The following KCNH1 variants were observed in gnomAD, a reference collection of about 807,000 sequenced individuals.
KCNH1 encodes potassium voltage-gated channel subfamily H member 1, also known as voltage-gated delayed rectifier potassium channel KCNH1.
A neutral mutation model predicts 69.2 loss-of-function variants in KCNH1; 27 were observed. The ratio of observed to expected loss-of-function variants is 0.39; its 90% confidence interval spans 0.29 to 0.54. The LOEUF is 0.54. Among genes scored for constraint, KCNH1 ranks in the 20% least tolerant of loss-of-function variants. KCNH1 has a pLI of 0.68. For synonymous variants in KCNH1, 456 were observed against 487.7 expected (o/e 0.93, Z 0.86); for missense variants, 798 against 1,261.6 (o/e 0.63, Z 5.57).
chr1:210,822,326 T>C (rs1684945543), intron 7 of KCNH1, among the ~76,000 whole-genome samples: 1 of 151,782 alleles, frequency 6.6e-6, no homozygotes, highest in South Asian at 2.1e-4. Context: ...TAGTGAGAGA[T>C]GAGGATGGAG....
At chr1:211,023,115 A>AAAAT (rs562804540) in intron 5 of KCNH1, among the ~76,000 whole-genome samples, 6,610 of 98,492 alleles carry the variant, frequency 0.067, 212 homozygotes, top group Non-Finnish European at 0.095. Context: ...TGTCTCAGAA[A>AAAAT]AAATAAATAA....
intron 9 of KCNH1, among the ~76,000 whole-genome samples, chr1:210,777,140 G>T (rs1321633939): frequency 6.6e-6 from 1 of 152,128 alleles, no homozygotes; most frequent in Non-Finnish European, 1.5e-5. Flanking sequence ...TGTTTAATAG[G>T]CCAGCTGTTT....
rs1205590840 is a variant in KCNH1, at chr1:210,844,105, T to C, written c.1463-39939A>G. Among the ~76,000 whole-genome samples, 3 of 152,198 alleles carry C rather than the reference T, an allele frequency of 2.0e-5. No individual in the cohort carries two copies. The East Asian group carries it at 5.8e-4, about 29-fold the overall frequency. The stretch of plus-strand genomic sequence containing the variant: ...GCAAGCCAAGTTACAATTCCTTTTT[T>C]GGTTTAGCTGAATTTTTGGTAAAAA... On this transcript the variant is annotated intron_variant, in intron 7 of 10. Transcript: ENST00000271751.
At chr1:210,956,536 GTTTTT>G (rs770358496) in intron 6 of KCNH1, among the ~76,000 whole-genome samples, 1 of 122,308 alleles carries the variant, frequency 8.2e-6, no homozygotes. Flanking sequence ...TGGTCCTGGA[GTTTTT>G]TTTTTTTTTT....
intron 7 of KCNH1, among the ~76,000 whole-genome samples, chr1:210,912,738 G>A (rs1208592759): frequency 6.6e-6 from 1 of 152,178 alleles, no homozygotes; most frequent in Non-Finnish European, 1.5e-5. Flanking sequence ...ACCTGCCAAA[G>A]GTCAAAGCAT....
intron 10 of KCNH1, among the ~76,000 whole-genome samples, chr1:210,700,241 A>C (rs2149010425): frequency 6.6e-6 from 1 of 152,352 alleles, no homozygotes; most frequent in Non-Finnish European, 1.5e-5. Context: ...TTATGGAAGC[A>C]CTGAGCAGGG....
chr1:210,844,583 T>C (rs1395528074), intron 7 of KCNH1, among the ~76,000 whole-genome samples: 1 of 152,178 alleles, frequency 6.6e-6, no homozygotes, highest in Admixed American at 6.5e-5. Context: ...AAGCAGTGTG[T>C]AGAGGGAAAT....
At chr1:210,686,935 C>G (rs1300722773) in intron 10 of KCNH1, among the ~76,000 whole-genome samples, 1 of 152,106 alleles carries the variant, frequency 6.6e-6, no homozygotes, top group Non-Finnish European at 1.5e-5. Context: ...TGCCTGGTAC[C>G]TAGCAGGCCC....
chr1:211,096,877 CT>C (rs1247033656), intron 3 of KCNH1, among the ~76,000 whole-genome samples: 1 of 152,182 alleles, frequency 6.6e-6, no homozygotes, highest in Non-Finnish European at 1.5e-5. Context: ...TTAAGAGTCA[CT>C]GGCACAGGCC....
At chr1:210,902,209 C>T (rs1334353308) in intron 7 of KCNH1, among the ~76,000 whole-genome samples, 1 of 152,220 alleles carries the variant, frequency 6.6e-6, no homozygotes, top group Non-Finnish European at 1.5e-5. Context: ...GCAGACAAAA[C>T]CAACATGTGC....
At chr1:210,798,063 A>G (rs556902358) in intron 8 of KCNH1, among the ~76,000 whole-genome samples, 12 of 143,908 alleles carry the variant, frequency 8.3e-5, no homozygotes, top group Non-Finnish European at 1.5e-4. Flanking sequence ...TTTTTAAGAC[A>G]GAGTCTTGCT....
At chr1:210,964,776 A>C (rs1380950878) in intron 6 of KCNH1, among the ~76,000 whole-genome samples, 2 of 152,212 alleles carry the variant, frequency 1.3e-5, no homozygotes, top group African/African-American at 4.8e-5. Flanking sequence ...CCTGATATCA[A>C]AACCTGGCAG....
chr1:210,788,412 C>T (rs1312857774), intron 9 of KCNH1, among the ~76,000 whole-genome samples: 3 of 152,156 alleles, frequency 2.0e-5, no homozygotes, highest in Non-Finnish European at 4.4e-5. Flanking sequence ...TAACAACTGC[C>T]TTAATTTACC....
At chr1:210,758,725 A>C (rs947327529) in intron 10 of KCNH1, among the ~76,000 whole-genome samples, 1 of 152,174 alleles carries the variant, frequency 6.6e-6, no homozygotes, top group East Asian at 1.9e-4. Flanking sequence ...TCCTCAGTGC[A>C]CTATTGTGGA....
chr1:210,718,920 G>A (rs949248088), intron 10 of KCNH1, among the ~76,000 whole-genome samples: 22 of 151,718 alleles, frequency 1.5e-4, no homozygotes, highest in African/African-American at 5.3e-4. Flanking sequence ...AGAGTCTGTG[G>A]GGATCAATGA....
At chr1:210,712,159 A>C (rs1435651279) in intron 10 of KCNH1, among the ~76,000 whole-genome samples, 1 of 152,246 alleles carries the variant, frequency 6.6e-6, no homozygotes, top group East Asian at 1.9e-4. Flanking sequence ...CCCTATATTC[A>C]AAATAGTAAT....
chr1:210,986,834 T>C (rs1180744732), intron 6 of KCNH1, among the ~76,000 whole-genome samples: 1 of 152,232 alleles, frequency 6.6e-6, no homozygotes, highest in African/African-American at 2.4e-5. Context: ...TTGGCCTGTC[T>C]TGCTAGATTG....
intron 10 of KCNH1, among the ~76,000 whole-genome samples, chr1:210,733,613 A>G (rs899330232): frequency 6.6e-6 from 1 of 152,228 alleles, no homozygotes; most frequent in Non-Finnish European, 1.5e-5. Context: ...AGCTGTGGGC[A>G]TTTACCAGGA....
chr1:210,963,400 C>T (rs142205986), intron 6 of KCNH1, among the ~76,000 whole-genome samples: 1 of 152,186 alleles, frequency 6.6e-6, no homozygotes, highest in Admixed American at 6.5e-5. Context: ...ATCACAACTC[C>T]TCACCAGCGA....
Sources: allele counts gnomAD v4.1 joint callset (sites outside exome capture counted in the v4.1 genomes callset), GRCh38; gene constraint gnomAD v4.1.1; transcripts MANE v1.5; gene names NCBI Gene and HGNC (gene_info 2026-07-23, HGNC 2026-07-21).